MFHAS1: variants seen among roughly 807,000 people sequenced by gnomAD.
MFHAS1 encodes multifunctional ROCO family signaling regulator 1.
In MFHAS1, 50 loss-of-function variants were observed where a neutral mutation model predicts 70.4. The ratio of observed to expected loss-of-function variants is 0.71; its 90% CI spans 0.57 to 0.90. The LOEUF is 0.90. Ranked by LOEUF, MFHAS1 falls within the 40% of genes least tolerant of loss-of-function variation. The pLI, the probability that MFHAS1 is intolerant of heterozygous loss-of-function variation, is 0.00. For missense variants in MFHAS1, 1,795 were observed against 1,347.6 expected (o/e 1.33, Z -5.20); for synonymous variants, 952 against 620.0 (o/e 1.54, Z -7.96).
intron 1 of MFHAS1, among the ~76,000 whole-genome samples, chr8:8,849,657 G>T (rs916156806): frequency 1.1e-4 from 16 of 152,212 alleles, no homozygotes; most frequent in Non-Finnish European, 2.4e-4. Context: ...GTCAAGAAAT[G>T]AGCAGTCCAA....
intron 2 of MFHAS1, among the ~76,000 whole-genome samples, chr8:8,795,255 T>C (rs113971729): frequency 6.6e-6 from 1 of 152,040 alleles, no homozygotes; most frequent in Non-Finnish European, 1.5e-5. Context: ...CCCTTATCCA[T>C]CCTCACCCAG....
At chr8:8,796,302 G>A (rs1805891396) in intron 2 of MFHAS1, among the ~76,000 whole-genome samples, 2 of 152,138 alleles carry the variant, frequency 1.3e-5, no homozygotes, top group Non-Finnish European at 2.9e-5. Flanking sequence ...ACAGAAAACG[G>A]CCTATTACTG....
chr8:8,888,355 G>C (rs183059832), intron 1 of MFHAS1, among the ~76,000 whole-genome samples: 2 of 152,264 alleles, frequency 1.3e-5, no homozygotes, highest in East Asian at 3.9e-4. Context: ...CCAGGACAAA[G>C]ATCAGAGTGG....
intron 1 of MFHAS1, among the ~76,000 whole-genome samples, chr8:8,883,987 C>A (rs922850969): frequency 6.7e-6 from 1 of 149,252 alleles, no homozygotes; most frequent in African/African-American, 2.5e-5. Context: ...CATTTGAGGC[C>A]AGGAGATCAA....
intron 1 of MFHAS1, among the ~76,000 whole-genome samples, chr8:8,818,785 C>T (rs1365629870): frequency 1.3e-5 from 2 of 152,150 alleles, no homozygotes; most frequent in African/African-American, 4.8e-5. Flanking sequence ...CTGCAAGGGC[C>T]CTGACTTTCC....
Position 8,890,079 on chromosome 8 carries a change from T to C in MFHAS1, c.2980A>G (p.Asn994Asp). Reference protein sequence around the residue: ...CSKCLKRGSPNPHAFPGELLS... With the variant: ...CSKCLKRGSPDPHAFPGELLS... Reference sequence around the variant, plus strand: ...CACTTACCTGGAAAAGCATGTGGATTGGGCGATCCTCTCTTAAGGCACTTA... The same window carrying C: ...CACTTACCTGGAAAAGCATGTGGATCGGGCGATCCTCTCTTAAGGCACTTA... Residue 994 changes from asparagine to aspartate, a missense_variant, in exon 1 of 3, where the codon AAT (asparagine) becomes GAT (aspartate). By Grantham distance (23) the Asn-to-Asp change is conservative (BLOSUM62 1). Coordinates refer to ENST00000276282, the MANE Select transcript of MFHAS1 (RefSeq NM_004225.3). The C allele has an allele frequency of 6.2e-7, 1 of 1,603,112 alleles. No homozygotes were observed. The highest frequency in any genetic ancestry group is 8.5e-7 in the Non-Finnish European group (1 of 1,172,452).
chr8:8,843,867 T>C (rs1393270701), intron 1 of MFHAS1, among the ~76,000 whole-genome samples: 1 of 152,224 alleles, frequency 6.6e-6, no homozygotes. Context: ...ATTGAAGAAT[T>C]AATTACCTCT....
chr8:8,831,115 T>C (rs967186095), intron 1 of MFHAS1, among the ~76,000 whole-genome samples: 2 of 151,902 alleles, frequency 1.3e-5, no homozygotes, highest in African/African-American at 4.8e-5. Context: ...CTTCTTGTTA[T>C]GTCCTCACAT....
At chr8:8,804,066 C>G (rs1273310509) in intron 1 of MFHAS1, among the ~76,000 whole-genome samples, 3 of 152,146 alleles carry the variant, frequency 2.0e-5, no homozygotes, top group African/African-American at 7.2e-5. Context: ...CTTGAGCATC[C>G]AAAGACTTTG....
intron 1 of MFHAS1, among the ~76,000 whole-genome samples, chr8:8,884,731 G>A (rs527690537): frequency 6.6e-6 from 1 of 152,156 alleles, no homozygotes; most frequent in Non-Finnish European, 1.5e-5. Context: ...TTGGAAGGCT[G>A]AGGCAGGCAG....
At chr8:8,825,543 T>C (rs1208268512) in intron 1 of MFHAS1, among the ~76,000 whole-genome samples, 2 of 152,144 alleles carry the variant, frequency 1.3e-5, no homozygotes, top group Non-Finnish European at 2.9e-5. Flanking sequence ...GCAGGGTTGG[T>C]TTCTTCTGAG....
chr8:8,803,286 G>A (rs1369190781), intron 1 of MFHAS1, among the ~76,000 whole-genome samples: 1 of 151,186 alleles, frequency 6.6e-6, no homozygotes, highest in African/African-American at 2.4e-5. Flanking sequence ...CGAGGGGTGG[G>A]GGCAGATCAT....
In MFHAS1 at chr8:8,893,193, G is replaced by T; in HGVS notation, c.-135C>A. ...GCGGCCGGCGGCCGCGGGTCCTAGC[G>T]CAGCCAGCGGCCGAGCGCTGGCGGC... On this transcript the variant is annotated 5_prime_UTR_variant, in exon 1 of 3. Coordinates refer to ENST00000276282, the MANE Select transcript of MFHAS1 (RefSeq NM_004225.3). The T allele has an allele frequency of 2.7e-6, 1 of 366,798 alleles. No homozygotes were observed. The highest frequency in any genetic ancestry group is 4.3e-6 in the Non-Finnish European group (1 of 234,822). The allele number at this position is 366,798 out of a possible 1,614,324, so 22.7% of individuals were successfully genotyped here. A position where few individuals can be genotyped will look rare whatever the true frequency, so the allele number is the denominator to read the frequency against.
intron 1 of MFHAS1, among the ~76,000 whole-genome samples, chr8:8,807,458 C>A (rs1043164990): frequency 3.3e-5 from 5 of 152,120 alleles, no homozygotes; most frequent in Admixed American, 6.5e-5. Flanking sequence ...TCTTCCCTCC[C>A]CTATGAAAAA....
intron 1 of MFHAS1, among the ~76,000 whole-genome samples, chr8:8,872,440 G>A (rs1331920845): frequency 6.6e-6 from 1 of 152,136 alleles, no homozygotes; most frequent in Middle Eastern, 3.2e-3. Flanking sequence ...GGACCACCTG[G>A]GGCCGGATGC....
At position 8,830,218 on chromosome 8, in the gene MFHAS1, A is replaced by G. The variant is rs1585039871; in HGVS notation, c.2999-32727T>C. Reference sequence around the variant, plus strand: ...GCATGGCTTCGAGTTCTGTGTCAGGAAACACCAAGCAAAAGGCTCAAGGAA... The same window carrying G: ...GCATGGCTTCGAGTTCTGTGTCAGGGAACACCAAGCAAAAGGCTCAAGGAA... On this transcript the variant is annotated intron_variant, in intron 1 of 2. Transcript: ENST00000276282. 2.0e-5 allele frequency among the ~76,000 whole-genome samples: 3 copies of G among 152,178 alleles called. No homozygotes were observed. In the East Asian group the frequency reaches 5.8e-4, roughly 29 times the overall value.
chr8:8,835,840 T>A (rs531635023), intron 1 of MFHAS1, among the ~76,000 whole-genome samples: 1 of 152,214 alleles, frequency 6.6e-6, no homozygotes, highest in Non-Finnish European at 1.5e-5. Context: ...TGGCAAAACA[T>A]GGCCCGCTGC....
At chr8:8,821,980 G>A (rs2117304221) in intron 1 of MFHAS1, 1 of 152,440 alleles carries the variant, frequency 6.6e-6, no homozygotes, top group Admixed American at 6.5e-5. Flanking sequence ...CTAGGCCTGA[G>A]TGCACACGTC....
At chr8:8,842,369 A>G (rs1043215573) in intron 1 of MFHAS1, among the ~76,000 whole-genome samples, 1 of 152,108 alleles carries the variant, frequency 6.6e-6, no homozygotes, top group African/African-American at 2.4e-5. Context: ...TATTTTTAGT[A>G]GAGACAGGGT....
Sources: gnomAD v4.1 joint callset for allele counts (sites outside exome capture counted in the v4.1 genomes callset) on GRCh38, gnomAD v4.1.1 for gene constraint, MANE v1.5 for transcripts, NCBI Gene and HGNC (gene_info 2026-07-23, HGNC 2026-07-21) for gene names.